Variants in COG5 observed in about 807,000 individuals in gnomAD.
The protein encoded by COG5 is component of oligomeric golgi complex 5.
Under a neutral mutation model 110.4 loss-of-function variants are expected in COG5, and 86 were observed. The ratio of observed to expected loss-of-function variants is 0.78; its 90% CI spans 0.65 to 0.93. The LOEUF is 0.93. Ranked by LOEUF, COG5 falls within the 40% of genes least tolerant of loss-of-function variation. The pLI is 0.00. For synonymous variants in COG5, 360 were observed against 334.6 expected (o/e 1.08, Z -0.83); for missense variants, 1,077 against 987.0 (o/e 1.09, Z -1.22).
At chr7:107,523,522 A>T (rs1273534888) in intron 6 of COG5, among the ~76,000 whole-genome samples, 13 of 152,142 alleles carry the variant, frequency 8.5e-5, no homozygotes, top group Admixed American at 8.5e-4. Flanking sequence ...ACTGGTAAGA[A>T]TGTAAACATT....
chr7:107,296,581 CTT>C lies in COG5; in HGVS notation c.1313+1559_1313+1560del, dbSNP rs35340234. On this transcript the variant is annotated intron_variant, in intron 12 of 21. Coordinates refer to ENST00000297135, the MANE Select transcript of COG5 (RefSeq NM_006348.5). ...ATTTATTTTGCCAGTCAAAACTACTCTTTTTTTTTTTTTTTTTTTTTAAAGAG... is the reference window on the plus strand; with the variant it reads ...ATTTATTTTGCCAGTCAAAACTACTCTTTTTTTTTTTTTTTTTTTAAAGAG... Among the ~76,000 whole-genome samples, 336 of 123,482 alleles carry C rather than the reference CTT, an allele frequency of 2.7e-3. 1 individual carries two copies. Among genetic ancestry groups the C allele is most frequent in the East Asian group, 0.019 (82 of 4,250 alleles). 81.0% of individuals were successfully genotyped at this position (123,482 alleles called of 152,430 possible).
chr7:107,473,631 T>TA lies in COG5; in HGVS notation c.538+53605dup, dbSNP rs1490335808. Among the ~76,000 whole-genome samples the TA allele has an allele frequency of 3.3e-5, 5 of 152,092 alleles. No individual in the cohort carries two copies. The East Asian group carries it at 9.7e-4, about 29-fold the overall frequency. On this transcript the variant is annotated intron_variant, in intron 6 of 21. Coordinates refer to ENST00000297135, the MANE Select transcript of COG5 (RefSeq NM_006348.5). ...CTACACTCATTATGCTAGAGCATAT[T>TA]AAAATAGCATTCATTTGGTACCTAC...
At chr7:107,413,978 G>A (rs1314297487) in intron 6 of COG5, among the ~76,000 whole-genome samples, 1 of 152,056 alleles carries the variant, frequency 6.6e-6, no homozygotes, top group Non-Finnish European at 1.5e-5. Flanking sequence ...TGGTCTTTCT[G>A]ACCACAGTCT....
At chr7:107,520,547 G>A (rs763867477) in intron 6 of COG5, among the ~76,000 whole-genome samples, 5 of 152,104 alleles carry the variant, frequency 3.3e-5, no homozygotes, top group African/African-American at 4.8e-5. Flanking sequence ...ACTCACAACT[G>A]CTACAAAGAG....
intron 7 of COG5, among the ~76,000 whole-genome samples, chr7:107,387,450 G>A (rs1790293605): frequency 6.6e-6 from 1 of 152,250 alleles, no homozygotes; most frequent in African/African-American, 2.4e-5. Context: ...GAAGCCCAGG[G>A]CAAAATTTCG....
chr7:107,499,387 A>G (rs1026894620), intron 6 of COG5, among the ~76,000 whole-genome samples: 1 of 151,076 alleles, frequency 6.6e-6, no homozygotes, highest in African/African-American at 2.4e-5. Context: ...AAAGTTTAAA[A>G]AACAAAGGGA....
chr7:107,270,228 G>A (rs1050924119), intron 14 of COG5, among the ~76,000 whole-genome samples: 4 of 150,416 alleles, frequency 2.7e-5, no homozygotes, highest in Admixed American at 1.3e-4. Context: ...TTCTCTCTCC[G>A]GTTCTTAGCA....
At chr7:107,278,089 T>C (rs931193281) in intron 14 of COG5, among the ~76,000 whole-genome samples, 5 of 152,116 alleles carry the variant, frequency 3.3e-5, no homozygotes, top group Non-Finnish European at 7.4e-5. Context: ...TTTAGGGAAA[T>C]ACATTTCAGA....
chr7:107,232,923 T>C (rs535438324), intron 18 of COG5, among the ~76,000 whole-genome samples: 1 of 152,232 alleles, frequency 6.6e-6, no homozygotes, highest in South Asian at 2.1e-4. Flanking sequence ...CCACAGACAT[T>C]TGGTTAACCA....
chr7:107,332,987 T>A (rs1184125533), intron 10 of COG5, among the ~76,000 whole-genome samples: 1 of 152,028 alleles, frequency 6.6e-6, no homozygotes, highest in Non-Finnish European at 1.5e-5. Context: ...AGCAATACAA[T>A]TTTTTTGGTC....
chr7:107,389,593 G>A (rs889849854), intron 7 of COG5, among the ~76,000 whole-genome samples: 1 of 152,148 alleles, frequency 6.6e-6, no homozygotes, highest in Admixed American at 6.5e-5. Context: ...TAGCTGGGAG[G>A]TCTGTCACAG....
At chr7:107,232,788 G>C (rs1345518934) in intron 18 of COG5, among the ~76,000 whole-genome samples, 1 of 152,168 alleles carries the variant, frequency 6.6e-6, no homozygotes, top group Non-Finnish European at 1.5e-5. Flanking sequence ...AAGAGGAGGT[G>C]ACTCTGCCAT....
chr7:107,282,842 C>T (rs1465979979), intron 13 of COG5, among the ~76,000 whole-genome samples: 4 of 152,240 alleles, frequency 2.6e-5, no homozygotes, highest in East Asian at 1.9e-4. Flanking sequence ...TACTCTTCCA[C>T]GCCTCAGAAT....
At chr7:107,401,364 T>C (rs895997774) in intron 7 of COG5, among the ~76,000 whole-genome samples, 9 of 152,182 alleles carry the variant, frequency 5.9e-5, no homozygotes, top group African/African-American at 1.7e-4. Context: ...TTAATAATGA[T>C]ATACAATGTT....
rs143324996 is a variant in COG5 at position 107,444,267 on chromosome 7, T to C, written c.539-31635A>G. ...CTCAGTAAACTGGCTGGTTGCAGGA[T>C]AGAACAGCAAATTAATCATATAATT... is the stretch of plus-strand genomic sequence containing the variant. On this transcript the variant is annotated intron_variant, in intron 6 of 21. Coordinates refer to ENST00000297135, the MANE Select transcript of COG5 (RefSeq NM_006348.5). 6.4e-3 allele frequency among the ~76,000 whole-genome samples: 974 copies of C among 152,352 alleles called. 4 individuals carry two copies. Among genetic ancestry groups the C allele is most frequent in the Non-Finnish European group, 8.1e-3 (549 of 68,038 alleles).
chr7:107,270,972 T>C (rs1379259132), intron 14 of COG5, among the ~76,000 whole-genome samples: 1 of 139,430 alleles, frequency 7.2e-6, no homozygotes, highest in Non-Finnish European at 1.5e-5. Flanking sequence ...CAAGTGATTC[T>C]CCCTCAGTTT....
intron 21 of COG5, among the ~76,000 whole-genome samples, chr7:107,206,133 T>C (rs954731145): frequency 6.6e-6 from 1 of 152,122 alleles, no homozygotes; most frequent in Middle Eastern, 3.2e-3. Context: ...GCTAATTTTT[T>C]TGTATTTTTA....
intron 6 of COG5, among the ~76,000 whole-genome samples, chr7:107,423,224 A>G (rs2129074477): frequency 6.6e-6 from 1 of 152,260 alleles, no homozygotes; most frequent in South Asian, 2.1e-4. Flanking sequence ...TTATATTTTG[A>G]TATTTGCTTT....
chr7:107,455,010 G>C (rs1358499805), intron 6 of COG5, among the ~76,000 whole-genome samples: 1 of 152,138 alleles, frequency 6.6e-6, no homozygotes, highest in Non-Finnish European at 1.5e-5. Context: ...ACTCAGAAAT[G>C]AGTATGTAAA....
Sources: allele counts gnomAD v4.1 joint callset (sites outside exome capture counted in the v4.1 genomes callset), GRCh38; gene constraint gnomAD v4.1.1; transcripts MANE v1.5; gene names NCBI Gene and HGNC (gene_info 2026-07-23, HGNC 2026-07-21).